ALCAM: variants seen among roughly 807,000 people sequenced by gnomAD.
ALCAM encodes CD166 antigen.
In ALCAM, 30 loss-of-function variants were observed where a neutral mutation model predicts 70.9. The ratio of observed to expected loss-of-function variants is 0.42; its 90% CI spans 0.32 to 0.57. The LOEUF (loss-of-function observed/expected upper bound fraction) is 0.57, where lower values mean the gene tolerates loss of function less well. ALCAM is among the 20% of genes least tolerant of loss of function. The pLI is 0.11. For synonymous variants in ALCAM, 249 were observed against 242.5 expected (o/e 1.03, Z -0.25); for missense variants, 591 against 695.1 (o/e 0.85, Z 1.68).
At chr3:105,490,284 C>A (rs1039177678) in intron 1 of ALCAM, among the ~76,000 whole-genome samples, 1 of 152,148 alleles carries the variant, frequency 6.6e-6, no homozygotes, top group Non-Finnish European at 1.5e-5. Flanking sequence ...TCAGTTGATG[C>A]CTTGTACTAG....
chr3:105,508,704 T>C (rs1939148046), intron 1 of ALCAM, among the ~76,000 whole-genome samples: 1 of 152,166 alleles, frequency 6.6e-6, no homozygotes, highest in African/African-American at 2.4e-5. Context: ...ATCACTCTCC[T>C]CACATAGTTA....
At chr3:105,413,383 A>G (rs981458087) in intron 1 of ALCAM, among the ~76,000 whole-genome samples, 3 of 152,134 alleles carry the variant, frequency 2.0e-5, no homozygotes, top group Admixed American at 1.3e-4. Context: ...AAATTTCTGT[A>G]TACATTTTCT....
intron 1 of ALCAM, among the ~76,000 whole-genome samples, chr3:105,504,535 G>C (rs1939010829): frequency 1.4e-5 from 2 of 144,032 alleles, no homozygotes; most frequent in African/African-American, 5.2e-5. Flanking sequence ...CTCTCCTTCA[G>C]CTGCCCCCGC....
chr3:105,446,958 A>G (rs1309317746), intron 1 of ALCAM, among the ~76,000 whole-genome samples: 2 of 152,104 alleles, frequency 1.3e-5, no homozygotes. Context: ...TAGAATGACA[A>G]TGGTTAACAG....
chr3:105,554,087 T>C (rs770161550), intron 14 of ALCAM, among the ~76,000 whole-genome samples: 2 of 151,658 alleles, frequency 1.3e-5, no homozygotes, highest in Non-Finnish European at 2.9e-5. Flanking sequence ...ATCAAACCAG[T>C]AGAGGGTGTG....
At chr3:105,469,451 C>T (rs1406956947) in intron 1 of ALCAM, among the ~76,000 whole-genome samples, 1 of 150,908 alleles carries the variant, frequency 6.6e-6, no homozygotes, top group Non-Finnish European at 1.5e-5. Flanking sequence ...CCAGTGACAC[C>T]ATGAACATTA....
intron 1 of ALCAM, among the ~76,000 whole-genome samples, chr3:105,417,120 T>C (rs2107407200): frequency 6.6e-6 from 1 of 151,870 alleles, no homozygotes; most frequent in East Asian, 1.9e-4. Flanking sequence ...TTTTCAAAAA[T>C]GTCTCCCAGC....
chr3:105,498,296 C>T (rs1484429199), intron 1 of ALCAM, among the ~76,000 whole-genome samples: 2 of 152,102 alleles, frequency 1.3e-5, no homozygotes, highest in African/African-American at 4.8e-5. Context: ...TAGTATTCTG[C>T]TTCTGTATTC....
rs546494778 is a variant in ALCAM, at chr3:105,495,972, A to G, written c.74-24095A>G. ...ATAGTTCCATTCACTATAAGTTTCA[A>G]GTGCTTAGCAAAAATGCTGATAGCT... On this transcript the variant is annotated intron_variant, in intron 1 of 15. Transcript: ENST00000306107. Among the ~76,000 whole-genome samples the G allele has an allele frequency of 2.4e-3, 361 of 152,328 alleles. 1 individual carries two copies. The highest frequency in any genetic ancestry group is 8.2e-3 in the African/African-American group (340 of 41,572).
At chr3:105,523,050 G>A (rs1296958740) in intron 2 of ALCAM, among the ~76,000 whole-genome samples, 4 of 148,962 alleles carry the variant, frequency 2.7e-5, no homozygotes, top group Admixed American at 1.4e-4. Flanking sequence ...TGAGGCGGGA[G>A]AATGGCGTGA....
intron 1 of ALCAM, among the ~76,000 whole-genome samples, chr3:105,466,961 G>T (rs1937755321): frequency 6.6e-6 from 1 of 151,314 alleles, no homozygotes; most frequent in South Asian, 2.1e-4. Flanking sequence ...GAGCAAAATG[G>T]CATTTTATCA....
At chr3:105,503,094 T>C (rs1489100176) in intron 1 of ALCAM, among the ~76,000 whole-genome samples, 2 of 152,252 alleles carry the variant, frequency 1.3e-5, no homozygotes, top group Non-Finnish European at 2.9e-5. Flanking sequence ...TTTTTCTCTT[T>C]CTGTAGTTTA....
chr3:105,530,053 T>A (rs78847560), intron 3 of ALCAM, among the ~76,000 whole-genome samples: 1,525 of 152,116 alleles, frequency 0.01, 17 homozygotes, highest in Middle Eastern at 0.027. Context: ...GTTTTGACCT[T>A]TTTTTTCTGT....
intron 1 of ALCAM, among the ~76,000 whole-genome samples, chr3:105,422,468 A>G (rs973069204): frequency 2.6e-5 from 4 of 151,382 alleles, no homozygotes; most frequent in African/African-American, 7.3e-5. Context: ...CCAATTGCCA[A>G]TTAAAGTTTC....
At chr3:105,374,260 G>T (rs7611954) in intron 1 of ALCAM, among the ~76,000 whole-genome samples, 1 of 152,052 alleles carries the variant, frequency 6.6e-6, no homozygotes, top group African/African-American at 2.4e-5. Flanking sequence ...CTCATTATAA[G>T]AACCTAATTC....
intron 1 of ALCAM, among the ~76,000 whole-genome samples, chr3:105,384,607 C>A (rs1332601356): frequency 2.0e-5 from 3 of 151,444 alleles, no homozygotes; most frequent in African/African-American, 7.3e-5. Flanking sequence ...AATTCTAAGA[C>A]TTTTCTAATA....
intron 1 of ALCAM, among the ~76,000 whole-genome samples, chr3:105,460,444 A>G (rs1350918694): frequency 1.3e-5 from 2 of 152,024 alleles, no homozygotes; most frequent in Non-Finnish European, 2.9e-5. Context: ...TAAAGGTTTC[A>G]AAGTGCTATT....
chr3:105,377,933 A>T (rs537393556), intron 1 of ALCAM, among the ~76,000 whole-genome samples: 1 of 152,154 alleles, frequency 6.6e-6, no homozygotes, highest in South Asian at 2.1e-4. Flanking sequence ...GACTAATGCC[A>T]CTTTGTAAAC....
chr3:105,471,860 T>A (rs1166166867), intron 1 of ALCAM, among the ~76,000 whole-genome samples: 1 of 151,280 alleles, frequency 6.6e-6, no homozygotes, highest in Non-Finnish European at 1.5e-5. Context: ...TTATTAACGC[T>A]AGTCCCCATG....
Sources: gnomAD v4.1 joint callset for allele counts (sites outside exome capture counted in the v4.1 genomes callset) on GRCh38, gnomAD v4.1.1 for gene constraint, MANE v1.5 for transcripts, NCBI Gene and HGNC (gene_info 2026-07-23, HGNC 2026-07-21) for gene names.